MMRN1: variants seen among roughly 807,000 people sequenced by gnomAD.
MMRN1 encodes the protein multimerin-1.
In MMRN1, 94 loss-of-function variants were observed where a neutral mutation model predicts 100.7. That is an observed-to-expected ratio of 0.93 (90% CI 0.79 to 1.11). The LOEUF is 1.11. Among genes scored for constraint, MMRN1 ranks in the 50% least tolerant of loss-of-function variants. The probability of loss-of-function intolerance (pLI) is 0.00; values close to 1 mark genes in which losing one functional copy is unlikely to be tolerated. For synonymous variants in MMRN1, 575 were observed against 505.0 expected, an observed-to-expected ratio of 1.14 and a Z score of -1.86; for missense variants, 1,606 against 1,439.1, an observed-to-expected ratio of 1.12 and a Z score of -1.88.
intron 4 of MMRN1, among the ~76,000 whole-genome samples, chr4:89,924,979 C>T (rs2110617350): frequency 6.6e-6 from 1 of 152,076 alleles, no homozygotes; most frequent in African/African-American, 2.4e-5. Context: ...AATGAGGTAT[C>T]CATCCCCTCA....
chr4:89,918,030 A>G (rs1011715070), intron 3 of MMRN1, among the ~76,000 whole-genome samples: 9 of 151,728 alleles, frequency 5.9e-5, no homozygotes, highest in Non-Finnish European at 1.0e-4. Context: ...ATGAATATTT[A>G]TTGCATTTTT....
chr4:89,949,899 A>G (rs1369989452), intron 6 of MMRN1, among the ~76,000 whole-genome samples: 1 of 152,238 alleles, frequency 6.6e-6, no homozygotes, highest in Non-Finnish European at 1.5e-5. Context: ...ACACAAAACA[A>G]ATAACTTCCA....
At chr4:89,913,630 T>C (rs1480725020) in intron 3 of MMRN1, among the ~76,000 whole-genome samples, 1 of 151,360 alleles carries the variant, frequency 6.6e-6, no homozygotes, top group East Asian at 1.9e-4. Flanking sequence ...GAAATATTTA[T>C]GAATTCAAGT....
At chr4:89,950,271 T>C (rs1166563962) in intron 6 of MMRN1, among the ~76,000 whole-genome samples, 1 of 152,192 alleles carries the variant, frequency 6.6e-6, no homozygotes, top group African/African-American at 2.4e-5. Context: ...TCTTTAAATT[T>C]TTCAAGAATG....
chr4:89,947,127 C>CA (rs1250809629), intron 6 of MMRN1, among the ~76,000 whole-genome samples: 1 of 151,986 alleles, frequency 6.6e-6, no homozygotes, highest in Non-Finnish European at 1.5e-5. Context: ...GCTAAAAATA[C>CA]AAAAAATAGC....
chr4:89,883,846 C>G (rs1720873749), intron 1 of MMRN1, among the ~76,000 whole-genome samples: 1 of 152,056 alleles, frequency 6.6e-6, no homozygotes, highest in Admixed American at 6.6e-5. Flanking sequence ...TTTCCTTATA[C>G]TTGCATCTAC....
intron 1 of MMRN1, among the ~76,000 whole-genome samples, chr4:89,881,175 C>A (rs1202305394): frequency 6.6e-6 from 1 of 152,064 alleles, no homozygotes; most frequent in Non-Finnish European, 1.5e-5. Context: ...AGCTAAGCAA[C>A]AAATTAACTG....
At position 89,883,673 on chromosome 4, in the gene MMRN1, A is replaced by G. The variant is rs139487756; in HGVS notation, c.-249+4071A>G. 6.9e-3 allele frequency among the ~76,000 whole-genome samples: 1,045 copies of G among 152,146 alleles called. 12 individuals carry two copies. The highest frequency in any genetic ancestry group is 0.024 in the African/African-American group (1,007 of 41,542). On this transcript the variant is annotated intron_variant, in intron 1 of 8. Coordinates refer to the MMRN1 transcript ENST00000394980. ...TTGTTCAAATATCTAAATTTCTATT[A>G]TTTTCCTCCAAGATGTGGCTTGCCA...
At chr4:89,903,091 A>G (rs922960902) in intron 1 of MMRN1, among the ~76,000 whole-genome samples, 8 of 151,920 alleles carry the variant, frequency 5.3e-5, no homozygotes, top group Non-Finnish European at 7.4e-5. Context: ...TATAATTTAC[A>G]TATCAAGAAT....
chr4:89,914,407 C>A (rs17806425), intron 3 of MMRN1, among the ~76,000 whole-genome samples: 1 of 151,248 alleles, frequency 6.6e-6, no homozygotes, highest in Admixed American at 6.6e-5. Flanking sequence ...CTGCTACGCA[C>A]GTACTTTAGC....
intron 6 of MMRN1, among the ~76,000 whole-genome samples, chr4:89,946,700 A>C (rs1320606436): frequency 6.6e-6 from 1 of 152,152 alleles, no homozygotes; most frequent in Non-Finnish European, 1.5e-5. Context: ...GTGCTTTGAA[A>C]ATGCAAGGTG....
At chr4:89,938,509 A>T (rs1578498690) in intron 6 of MMRN1, among the ~76,000 whole-genome samples, 1 of 80,862 alleles carries the variant, frequency 1.2e-5, no homozygotes, top group South Asian at 3.5e-4. Flanking sequence ...ATATATATAT[A>T]TATTTAAAAT....
intron 1 of MMRN1, among the ~76,000 whole-genome samples, chr4:89,896,796 T>C (rs1431629043): frequency 6.6e-6 from 1 of 152,194 alleles, no homozygotes; most frequent in Non-Finnish European, 1.5e-5. Flanking sequence ...TTATTTATTA[T>C]TCAAGTCTAT....
chr4:89,947,480 C>T (rs556752172), intron 6 of MMRN1, among the ~76,000 whole-genome samples: 6 of 152,082 alleles, frequency 3.9e-5, no homozygotes, highest in Non-Finnish European at 7.4e-5. Flanking sequence ...ATATGTCAGG[C>T]ACTGTGCTAA....
intron 6 of MMRN1, 108 bp from the exon 7 acceptor site, chr4:89,951,497 T>A: frequency 1.7e-6 from 2 of 1,199,932 alleles, no homozygotes; most frequent in Non-Finnish European, 2.2e-6. Context: ...CCCATTTTTC[T>A]TACTTAAAAT....
chr4:89,951,437 A>T (rs1723170963), intron 6 of MMRN1, 168 bp from the exon 7 acceptor site: 1 of 536,970 alleles, frequency 1.9e-6, no homozygotes, highest in Admixed American at 3.8e-5. Context: ...GAGCTAAGGG[A>T]TTTGCATGAC....
At chr4:89,921,629 G>T (rs762509697) in intron 3 of MMRN1, among the ~76,000 whole-genome samples, 1 of 152,118 alleles carries the variant, frequency 6.6e-6, no homozygotes, top group Non-Finnish European at 1.5e-5. Flanking sequence ...TCCCCAAGCT[G>T]CAGATTGCTT....
intron 1 of MMRN1, among the ~76,000 whole-genome samples, chr4:89,888,946 T>C (rs2110573141): frequency 6.6e-6 from 1 of 152,250 alleles, no homozygotes; most frequent in South Asian, 2.1e-4. Context: ...CTCTTGACCA[T>C]GAATTACATT....
At chr4:89,885,911 T>G (rs1720925840) in intron 1 of MMRN1, among the ~76,000 whole-genome samples, 1 of 152,074 alleles carries the variant, frequency 6.6e-6, no homozygotes, top group South Asian at 2.1e-4. Context: ...TTCCACTATT[T>G]CTTCCTTCTA....
Sources: gnomAD v4.1 joint callset for allele counts (sites outside exome capture counted in the v4.1 genomes callset) on GRCh38, gnomAD v4.1.1 for gene constraint, MANE v1.5 for transcripts, NCBI Gene and HGNC (gene_info 2026-07-23, HGNC 2026-07-21) for gene names.